GLRB: variants seen among roughly 807,000 people sequenced by gnomAD.
The protein encoded by GLRB is glycine receptor beta.
In GLRB, 33 loss-of-function variants were observed where a neutral mutation model predicts 54.2. That is an observed-to-expected ratio of 0.61 (90% CI 0.46 to 0.81). The LOEUF (loss-of-function observed/expected upper bound fraction) is 0.81, where lower values mean the gene tolerates loss of function less well. Ranked by LOEUF, GLRB falls within the 40% of genes least tolerant of loss-of-function variation. The probability of loss-of-function intolerance (pLI) is 0.00; values close to 1 mark genes in which losing one functional copy is unlikely to be tolerated. For synonymous variants in GLRB, 209 were observed against 208.2 expected, an observed-to-expected ratio of 1.00 and a Z score of -0.03; for missense variants, 572 against 584.6, an observed-to-expected ratio of 0.98 and a Z score of 0.22.
Position 157,136,579 on chromosome 4 carries a change from G to T in GLRB, c.408G>T (p.Lys136Asn). ...DALTVDPTMYKCLWKPDLFFA... is the reference protein window; with the variant it reads ...DALTVDPTMYNCLWKPDLFFA... ...TGACAGTGGATCCAACAATGTACAA[G>T]TGTTTATGGAAACCTGATTTATTTT... The change falls in exon 5 of 10, where the codon AAG (lysine) becomes AAT (asparagine). Residue 136 changes from lysine (K) to asparagine (N), a missense_variant. Lys to Asn is a moderately conservative substitution (Grantham distance 94). Transcript: ENST00000264428. 6.2e-7 allele frequency: 1 copy of T among 1,612,148 alleles called. No homozygotes were observed. The highest frequency in any genetic ancestry group is 1.1e-5 in the South Asian group (1 of 91,024).
chr4:157,145,771 A>G (rs1736783972), intron 8 of GLRB, among the ~76,000 whole-genome samples: 1 of 152,088 alleles, frequency 6.6e-6, no homozygotes, highest in South Asian at 2.1e-4. Flanking sequence ...GGCCACAGTG[A>G]GAGGGTAATA....
At chr4:157,121,402 G>C (rs1440788354) in intron 3 of GLRB, among the ~76,000 whole-genome samples, 1 of 149,240 alleles carries the variant, frequency 6.7e-6, no homozygotes, top group African/African-American at 2.5e-5. Flanking sequence ...TATAATCCTT[G>C]TTGCTGGTTA....
At chr4:157,134,533 C>T (rs1326279272) in intron 4 of GLRB, among the ~76,000 whole-genome samples, 2 of 151,844 alleles carry the variant, frequency 1.3e-5, no homozygotes, top group Admixed American at 6.6e-5. Context: ...TAAAGAATAC[C>T]TATAAGATTT....
intron 2 of GLRB, among the ~76,000 whole-genome samples, chr4:157,099,173 A>T (rs927361112): frequency 2.6e-5 from 4 of 152,072 alleles, no homozygotes; most frequent in Non-Finnish European, 5.9e-5. Flanking sequence ...TGTCTAGGTC[A>T]TATGGGGCAG....
intron 8 of GLRB, 143 bp from the exon 9 acceptor site, chr4:157,152,575 T>C (rs909011874): frequency 3.9e-6 from 3 of 763,020 alleles, no homozygotes; most frequent in African/African-American, 3.4e-5. Flanking sequence ...TTATTTATTC[T>C]AGTCTTTGAG....
intron 2 of GLRB, among the ~76,000 whole-genome samples, chr4:157,109,766 G>C (rs528953668): frequency 1.3e-5 from 2 of 152,108 alleles, no homozygotes; most frequent in East Asian, 3.9e-4. Flanking sequence ...GCAGCTCACA[G>C]AGCTCAGGAA....
intron 9 of GLRB, among the ~76,000 whole-genome samples, chr4:157,164,336 T>C (rs1378559015): frequency 6.6e-6 from 1 of 152,184 alleles, no homozygotes; most frequent in Non-Finnish European, 1.5e-5. Flanking sequence ...GAAGGAAGAT[T>C]ACCTGAGAGC....
chr4:157,108,005 A>G (rs1443648202), intron 2 of GLRB, among the ~76,000 whole-genome samples: 1 of 152,092 alleles, frequency 6.6e-6, no homozygotes. Flanking sequence ...GAAATGGAAC[A>G]ACAAAGACTG....
Position 157,136,634 on chromosome 4 carries a change from G to A in GLRB, c.463G>A (p.Asp155Asn). The change falls in exon 5 of 10, where the codon GAT becomes AAT. Residue 155 changes from aspartate (D) to asparagine (N), a missense_variant. Asp to Asn is a conservative substitution (Grantham distance 23, BLOSUM62 1). Coordinates refer to ENST00000264428, the MANE Select transcript of GLRB (RefSeq NM_000824.5). ...AAATGAAAAAAGTGCCAATTTTCAT[G>A]ATGTGACCCAGGAAAACATCCTCCT... ...FANEKSANFH[D>N]VTQENILLFI... is the part of the protein sequence containing the mutation. 1.2e-6 allele frequency: 2 copies of A among 1,613,384 alleles called. No homozygotes were observed. The highest frequency in any genetic ancestry group is 1.7e-6 in the Non-Finnish European group (2 of 1,179,402).
intron 2 of GLRB, among the ~76,000 whole-genome samples, chr4:157,107,158 G>C (rs1353466267): frequency 6.6e-6 from 1 of 152,020 alleles, no homozygotes; most frequent in African/African-American, 2.4e-5. Flanking sequence ...CTGGGAGTCT[G>C]TCTTTTCATC....
chr4:157,093,268 T>C (rs1032085296), intron 2 of GLRB, among the ~76,000 whole-genome samples: 2 of 152,232 alleles, frequency 1.3e-5, no homozygotes, highest in Non-Finnish European at 2.9e-5. Flanking sequence ...CTTAGTTTGA[T>C]TAATAGTATA....
At chr4:157,088,691 A>C (rs1359129859) in intron 2 of GLRB, among the ~76,000 whole-genome samples, 1 of 152,136 alleles carries the variant, frequency 6.6e-6, no homozygotes, top group Non-Finnish European at 1.5e-5. Context: ...CTCTTGATTT[A>C]GCAAAAAAAG....
chr4:157,161,216 A>T (rs530882553), intron 9 of GLRB, among the ~76,000 whole-genome samples: 8 of 152,190 alleles, frequency 5.3e-5, no homozygotes, highest in African/African-American at 1.7e-4. Flanking sequence ...TTTTGAGCCT[A>T]TGTGTGTCTC....
chr4:157,104,414 G>A, intron 2 of GLRB, among the ~76,000 whole-genome samples: 1 of 151,900 alleles, frequency 6.6e-6, no homozygotes, highest in Admixed American at 6.6e-5. Context: ...ATCCCACTTG[G>A]TCATGGTGTA....
At chr4:157,095,995 G>A (rs1020081238) in intron 2 of GLRB, among the ~76,000 whole-genome samples, 2 of 152,330 alleles carry the variant, frequency 1.3e-5, no homozygotes, top group South Asian at 2.1e-4. Context: ...GGTAGTGGAA[G>A]CCCACAGTGT....
chr4:157,107,092 G>A (rs76984097), intron 2 of GLRB, among the ~76,000 whole-genome samples: 4,651 of 152,076 alleles, frequency 0.031, 116 homozygotes, highest in African/African-American at 0.068. Context: ...GTTTTGGGGT[G>A]CCACAAATCA....
intron 6 of GLRB, among the ~76,000 whole-genome samples, chr4:157,138,463 T>C (rs995046962): frequency 3.3e-5 from 5 of 152,204 alleles, no homozygotes; most frequent in African/African-American, 9.6e-5. Flanking sequence ...ATGTATACGT[T>C]CAGAAAGCTT....
At chr4:157,141,247 T>C (rs1159177317) in intron 7 of GLRB, among the ~76,000 whole-genome samples, 1 of 151,924 alleles carries the variant, frequency 6.6e-6, no homozygotes, top group African/African-American at 2.4e-5. Flanking sequence ...CCTAACAATA[T>C]TTTTTGGCAC....
intron 4 of GLRB, among the ~76,000 whole-genome samples, chr4:157,132,018 TA>T (rs1220326761): frequency 3.3e-5 from 5 of 151,854 alleles, no homozygotes; most frequent in Admixed American, 1.3e-4. Flanking sequence ...TTTTGATTTT[TA>T]TCAACAATGA....
Sources: gnomAD v4.1 joint callset for allele counts (sites outside exome capture counted in the v4.1 genomes callset) on GRCh38, gnomAD v4.1.1 for gene constraint, MANE v1.5 for transcripts, NCBI Gene and HGNC (gene_info 2026-07-23, HGNC 2026-07-21) for gene names.